Variants in RNGTT observed in about 807,000 individuals in gnomAD.
RNGTT encodes RNA guanylyltransferase and 5'-phosphatase, also known as mRNA-capping enzyme.
A neutral mutation model predicts 79.3 loss-of-function variants in RNGTT; 33 were observed. The observed-to-expected ratio is 0.42, with a 90% CI of 0.32 to 0.56. The LOEUF is 0.56. Ranked by LOEUF, RNGTT falls within the 20% of genes least tolerant of loss-of-function variation. RNGTT has a pLI of 0.17. For synonymous variants in RNGTT, 222 were observed against 235.9 expected (o/e 0.94, Z 0.54); for missense variants, 497 against 739.1 (o/e 0.67, Z 3.80).
chr6:88,863,879 A>T (rs991934248), intron 8 of RNGTT, among the ~76,000 whole-genome samples: 1 of 152,176 alleles, frequency 6.6e-6, no homozygotes, highest in Non-Finnish European at 1.5e-5. Flanking sequence ...TCCAGACTCA[A>T]TAGTGCTTGC....
chr6:88,777,727 T>C (rs545136609), intron 12 of RNGTT, among the ~76,000 whole-genome samples: 2 of 152,342 alleles, frequency 1.3e-5, no homozygotes, highest in East Asian at 1.9e-4. Flanking sequence ...TATAGGATCA[T>C]GTCATCTGCA....
At chr6:88,853,896 GTAGAT>G (rs1162004007) in intron 8 of RNGTT, 132 bp from the exon 9 acceptor site, 1 of 460,600 alleles carries the variant, frequency 2.2e-6, no homozygotes, top group Non-Finnish European at 3.9e-6. Flanking sequence ...TCTTTATCAT[GTAGAT>G]TAAAGTATCA....
At chr6:88,959,753 A>G (rs748236380) in intron 1 of RNGTT, among the ~76,000 whole-genome samples, 2 of 151,284 alleles carry the variant, frequency 1.3e-5, no homozygotes, top group African/African-American at 4.9e-5. Context: ...TCGATGCTGA[A>G]AAAAAAAACT....
At chr6:88,713,527 G>A (rs972339973) in intron 13 of RNGTT, among the ~76,000 whole-genome samples, 1 of 152,116 alleles carries the variant, frequency 6.6e-6, no homozygotes, top group Admixed American at 6.5e-5. Context: ...TCACATGGTA[G>A]CATCGATAGT....
intron 13 of RNGTT, among the ~76,000 whole-genome samples, chr6:88,707,352 C>A (rs763488809): frequency 1.3e-5 from 2 of 151,302 alleles, no homozygotes; most frequent in Non-Finnish European, 2.9e-5. Context: ...GATCTTCAAA[C>A]CACCTAAAAT....
At position 88,925,367 on chromosome 6, in the gene RNGTT, G is replaced by C. The variant is rs1475254840; in HGVS notation, c.367+3618C>G. Among the ~76,000 whole-genome samples the C allele has an allele frequency of 2.6e-5, 4 of 152,044 alleles. No homozygotes were observed. In the East Asian group the frequency reaches 7.7e-4, roughly 29 times the overall value. On this transcript the variant is annotated intron_variant, in intron 4 of 15. Coordinates refer to ENST00000369485, the MANE Select transcript of RNGTT (RefSeq NM_003800.5). The stretch of plus-strand genomic sequence containing the variant: ...GCACTTTGGGAGGCCAAGGTGGGTA[G>C]ATCACTTGAACCCAGGAGTTCAAGA...
chr6:88,655,702 C>G (rs966378335), intron 14 of RNGTT, among the ~76,000 whole-genome samples: 12 of 152,142 alleles, frequency 7.9e-5, no homozygotes, highest in Non-Finnish European at 1.5e-5. Context: ...TTTTTTCAAG[C>G]CTTTCTGCAG....
chr6:88,616,271 G>A (rs1772214368), intron 14 of RNGTT, among the ~76,000 whole-genome samples: 1 of 152,172 alleles, frequency 6.6e-6, no homozygotes, highest in South Asian at 2.1e-4. Context: ...CACGTGGGCT[G>A]CTTCTACCTC....
At chr6:88,778,931 A>G (rs1020646731) in intron 12 of RNGTT, among the ~76,000 whole-genome samples, 1 of 152,192 alleles carries the variant, frequency 6.6e-6, no homozygotes, top group Admixed American at 6.5e-5. Flanking sequence ...ATTTGCCCTG[A>G]GAGATTTATT....
At chr6:88,655,065 GTTTC>G (rs1208417361) in intron 14 of RNGTT, among the ~76,000 whole-genome samples, 4 of 152,084 alleles carry the variant, frequency 2.6e-5, no homozygotes, top group African/African-American at 7.2e-5. Flanking sequence ...ATGAACGTTA[GTTTC>G]TTTTAGTAAA....
At chr6:88,952,553 G>A (rs1255666001) in intron 1 of RNGTT, among the ~76,000 whole-genome samples, 3 of 152,226 alleles carry the variant, frequency 2.0e-5, no homozygotes, top group African/African-American at 7.2e-5. Flanking sequence ...CTGCTCCCAG[G>A]AAAGATAAAA....
chr6:88,957,296 C>T (rs1214190254), intron 1 of RNGTT, among the ~76,000 whole-genome samples: 1 of 152,134 alleles, frequency 6.6e-6, no homozygotes, highest in Non-Finnish European at 1.5e-5. Flanking sequence ...AGCATTCCCC[C>T]TGGGAACTGG....
intron 14 of RNGTT, among the ~76,000 whole-genome samples, chr6:88,655,359 G>A (rs1773938049): frequency 6.6e-6 from 1 of 152,152 alleles, no homozygotes; most frequent in African/African-American, 2.4e-5. Context: ...TGTCCAAGTG[G>A]ATGGTTTGAT....
chr6:88,693,912 T>C (rs58754730), intron 13 of RNGTT, among the ~76,000 whole-genome samples: 3,773 of 152,262 alleles, frequency 0.025, 141 homozygotes, highest in African/African-American at 0.086. Flanking sequence ...CCTTTCATGA[T>C]AGAAAAAATT....
intron 13 of RNGTT, among the ~76,000 whole-genome samples, chr6:88,697,548 C>CA (rs543844426): frequency 2.7e-5 from 4 of 150,242 alleles, no homozygotes; most frequent in Admixed American, 6.6e-5. Context: ...AAGACTGTCT[C>CA]AAAAAAAATA....
intron 8 of RNGTT, among the ~76,000 whole-genome samples, chr6:88,887,442 G>A (rs1205408986): frequency 2.6e-5 from 4 of 151,996 alleles, no homozygotes; most frequent in Non-Finnish European, 4.4e-5. Context: ...ATCCTAGTGC[G>A]CAAAAGATAG....
chr6:88,853,767 G>A lies in RNGTT; in HGVS notation c.897-3C>T. The A allele has an allele frequency of 6.6e-7, 1 of 1,518,966 alleles. No individual in the cohort carries two copies. Among genetic ancestry groups the A allele is most frequent in the African/African-American group, 1.4e-5 (1 of 71,134 alleles). The allele number at this position is 1,518,966 out of a possible 1,614,324, so 94.1% of individuals were successfully genotyped here. A position where few individuals can be genotyped will look rare whatever the true frequency, so the allele number is the denominator to read the frequency against. ...TGCCATCAATCAACATCATGTACCT[G>A]TAAATGAAACATTAAAAAGCTAATA... On this transcript the variant is annotated splice_polypyrimidine_tract_variant and splice_region_variant and intron_variant, in intron 8 of 15. Coordinates refer to ENST00000369485, the MANE Select transcript of RNGTT (RefSeq NM_003800.5).
At chr6:88,680,558 A>G (rs2756408) in intron 13 of RNGTT, among the ~76,000 whole-genome samples, 40,416 of 151,706 alleles carry the variant, frequency 0.27, 9,449 homozygotes, top group African/African-American at 0.63. Flanking sequence ...CCTGACCAAC[A>G]TGGAGAAACC....
intron 11 of RNGTT, among the ~76,000 whole-genome samples, chr6:88,829,447 C>T (rs1780779258): frequency 1.3e-5 from 2 of 152,102 alleles, no homozygotes; most frequent in African/African-American, 4.8e-5. Context: ...ACCATCGACA[C>T]TATGAAGAAA....
Sources: allele counts gnomAD v4.1 joint callset (sites outside exome capture counted in the v4.1 genomes callset), GRCh38; gene constraint gnomAD v4.1.1; transcripts MANE v1.5; gene names NCBI Gene and HGNC (gene_info 2026-07-23, HGNC 2026-07-21).